FBF1: variants seen among roughly 807,000 people sequenced by gnomAD.
The protein encoded by FBF1 is fas-binding factor 1.
Under a neutral mutation model 147.2 loss-of-function variants are expected in FBF1, and 119 were observed. The observed-to-expected ratio is 0.81, with a 90% confidence interval of 0.70 to 0.94. The LOEUF is 0.94. FBF1 is among the 40% of genes least tolerant of loss of function. The pLI is 0.00. For missense variants in FBF1, 1,449 were observed against 1,500.8 expected (o/e 0.97, Z 0.57); for synonymous variants, 601 against 609.0 (o/e 0.99, Z 0.19).
intron 9 of FBF1, 79 bp downstream of exon 9, chr17:75,927,376 C>A (rs990545801): frequency 4.8e-5 from 60 of 1,262,726 alleles, no homozygotes; most frequent in Admixed American, 9.0e-5. Context: ...AGCAGCTGGG[C>A]CTCGGGCCAG....
intron 1 of FBF1, 102 bp downstream of exon 1, chr17:75,940,746 C>G (rs2065658698): frequency 6.5e-6 from 1 of 153,920 alleles, no homozygotes; most frequent in Admixed American, 6.5e-5. Flanking sequence ...ATTCAGCCGA[C>G]TCCATGCCAG....
rs564612539 is a variant in FBF1, at chr17:75,938,285, C to T, written c.-83-53G>A. 2.7e-3 allele frequency: 3,600 copies of T among 1,324,176 alleles called. 5 individuals carry two copies. The highest frequency in any genetic ancestry group is 3.5e-3 in the Non-Finnish European group (3,345 of 945,968). 82.0% of individuals were successfully genotyped at this position (1,324,176 alleles called of 1,614,324 possible). On this transcript the variant is annotated intron_variant, in intron 1 of 29. Coordinates refer to ENST00000636174, the MANE Select transcript of FBF1 (RefSeq NM_001319193.2). ...TAAAAATGATGTAGCTTTGGCTGGG[C>T]GCCATGGCTCACGCCTGTTAATCCC...
At position 75,920,261 on chromosome 17, in the gene FBF1, C is replaced by T. The variant is rs760695811; in HGVS notation, c.1830+13G>A. On this transcript the variant is annotated intron_variant, in intron 18 of 29. Transcript: ENST00000636174. ...ACCCTGCCACCAGCACCAACGGCCC[C>T]GCTGCCCCTCACCTGGGCCTCCAGC... The T allele has an allele frequency of 8.0e-5, 128 of 1,605,712 alleles. No homozygotes were observed. The highest frequency in any genetic ancestry group is 1.0e-4 in the Non-Finnish European group (122 of 1,175,718).
At chr17:75,939,568 AT>A (rs545892056) in intron 1 of FBF1, among the ~76,000 whole-genome samples, 6 of 150,606 alleles carry the variant, frequency 4.0e-5, no homozygotes, top group Non-Finnish European at 5.9e-5. Flanking sequence ...TCTTTTTAAA[AT>A]TTTTTTTTTC....
rs544083200 is a variant in FBF1 at position 75,912,234 on chromosome 17, G to A, written c.3321C>T (p.His1107=). The change falls in exon 29 of 30, where the codon CAC becomes CAT. Residue 1107 remains histidine (H), a synonymous_variant. Coordinates refer to ENST00000636174, the MANE Select transcript of FBF1 (RefSeq NM_001319193.2). Reference sequence around the variant, plus strand: ...TCAGCAGTGCCAGCCTGGCATGGAGGTGCAAGGGGCTGGGGTCCAGGCCAG... The same window carrying A: ...TCAGCAGTGCCAGCCTGGCATGGAGATGCAAGGGGCTGGGGTCCAGGCCAG... ...PPTGLDPSPL[H]LHARLALLRH... 941 of 1,611,406 alleles carry A rather than the reference G, an allele frequency of 5.8e-4. 14 individuals are homozygous for A. The Admixed American group carries it at 0.016, about 27-fold the overall frequency.
chr17:75,933,495 C>G (rs373963960), intron 4 of FBF1, among the ~76,000 whole-genome samples: 3 of 152,106 alleles, frequency 2.0e-5, no homozygotes, highest in Non-Finnish European at 4.4e-5. Context: ...TCGCTTGAAC[C>G]GGGAGACGGA....
At position 75,913,875 on chromosome 17, in the gene FBF1, G is replaced by A. The variant is rs1555612424; in HGVS notation, c.3129+38C>T. 4 of 1,557,014 alleles carry A rather than the reference G, an allele frequency of 2.6e-6. No individual in the cohort carries two copies. In the East Asian group the frequency reaches 7.1e-5, roughly 28 times the overall value. On this transcript the variant is annotated intron_variant, in intron 27 of 29. Coordinates refer to ENST00000636174, the MANE Select transcript of FBF1 (RefSeq NM_001319193.2). Reference sequence around the variant, plus strand: ...AGCTGTGAGGTGGGAGGCTGGGGGTGCCGGGGGCAGGGGCGCCATACACTC... The same window carrying A: ...AGCTGTGAGGTGGGAGGCTGGGGGTACCGGGGGCAGGGGCGCCATACACTC...
In FBF1 at chr17:75,921,244, C is replaced by G. The variant is rs891370225; in HGVS notation, c.1674G>C (p.Gln558His). The change falls in exon 17 of 30, where the codon CAG (glutamine) becomes CAC (histidine). Residue 558 changes from glutamine (Q) to histidine (H), a missense_variant and splice_region_variant. By Grantham distance (24) the Gln-to-His change is conservative. Transcript: ENST00000636174. ...TAGACCTGTCTGCCCACACCCCTACCTGGACGGGCACGGAAGGCTCTGTGG... is the reference window on the plus strand; with the variant it reads ...TAGACCTGTCTGCCCACACCCCTACGTGGACGGGCACGGAAGGCTCTGTGG... Reference protein sequence around the residue: ...QKPTEPSVPVQPLLPESLARS... With the variant: ...QKPTEPSVPVHPLLPESLARS... 8.8e-6 allele frequency: 14 copies of G among 1,584,340 alleles called. No individual in the cohort carries two copies. The Admixed American group carries it at 1.4e-4, about 16-fold the overall frequency.
chr17:75,921,842 G>T, intron 15 of FBF1, 103 bp downstream of exon 15: 1 of 1,062,150 alleles, frequency 9.4e-7, no homozygotes, highest in Non-Finnish European at 1.4e-6. Context: ...ACACGGGGAC[G>T]GGGCAGGGGC....
At chr17:75,938,849 A>T (rs1442396442) in intron 1 of FBF1, among the ~76,000 whole-genome samples, 1 of 148,122 alleles carries the variant, frequency 6.8e-6, no homozygotes, top group East Asian at 2.0e-4. Flanking sequence ...TGGGCAACAG[A>T]GCAAGACTCC....
chr17:75,936,991 A>C (rs1040488196), intron 3 of FBF1, among the ~76,000 whole-genome samples: 5 of 152,080 alleles, frequency 3.3e-5, no homozygotes, highest in Non-Finnish European at 4.4e-5. Flanking sequence ...GTTTCCCCAC[A>C]CCAGCTTTCC....
chr17:75,930,665 T>A (rs2065588909), intron 6 of FBF1, among the ~76,000 whole-genome samples: 1 of 152,122 alleles, frequency 6.6e-6, no homozygotes, highest in Admixed American at 6.5e-5. Context: ...TGGGTCAGCC[T>A]GTAATCACAG....
At chr17:75,915,594 C>A (rs548598128) in intron 23 of FBF1, among the ~76,000 whole-genome samples, 2 of 152,276 alleles carry the variant, frequency 1.3e-5, no homozygotes, top group South Asian at 4.1e-4. Flanking sequence ...AATGAAGAGG[C>A]GAATCAAAAT....
At chr17:75,916,857 A>T (rs2065491951) in intron 23 of FBF1, among the ~76,000 whole-genome samples, 2 of 152,192 alleles carry the variant, frequency 1.3e-5, no homozygotes, top group African/African-American at 4.8e-5. Flanking sequence ...TGTTTTTATT[A>T]TTTATTTTTT....
intron 6 of FBF1, among the ~76,000 whole-genome samples, chr17:75,930,858 T>C (rs1479520711): frequency 1.3e-5 from 2 of 151,936 alleles, no homozygotes; most frequent in Admixed American, 6.6e-5. Flanking sequence ...GAGGCGGAGA[T>C]TGCAGTGAGC....
In FBF1 at chr17:75,909,930, T is replaced by C. The variant is rs1295955296; in HGVS notation, c.*793A>G. The C allele has an allele frequency of 7.1e-6, 5 of 700,092 alleles. No homozygotes were observed. The highest frequency in any genetic ancestry group is 1.5e-5 in the South Asian group (1 of 66,748). 43.4% of individuals were successfully genotyped at this position (700,092 alleles called of 1,614,324 possible). ...ATCAGAGAAACCTCTGTAGTTGTGA[T>C]TGGTTCCTTGTCGCCTCCACTGCGT... On this transcript the variant is annotated 3_prime_UTR_variant, in exon 30 of 30. Coordinates refer to ENST00000636174, the MANE Select transcript of FBF1 (RefSeq NM_001319193.2).
Position 75,922,537 on chromosome 17 carries a change from T to C in FBF1, c.1425-491A>G, listed in dbSNP as rs2065534574. ...CAAAGTCAAAACTGCCCTCCTGTCA[T>C]CAACCCCAGGACAGGGTGATGTCCC... On this transcript the variant is annotated intron_variant, in intron 14 of 29. Coordinates refer to ENST00000636174, the MANE Select transcript of FBF1 (RefSeq NM_001319193.2). The surrounding 1 kb of genome is among the most constrained non-coding windows in gnomAD (Gnocchi z 5.0). Among the ~76,000 whole-genome samples the C allele has an allele frequency of 1.3e-5, 2 of 152,130 alleles. No homozygotes were observed. Among genetic ancestry groups the C allele is most frequent in the Non-Finnish European group, 1.5e-5 (1 of 68,018 alleles).
rs917727017 is a variant in FBF1, at chr17:75,923,955, G to C, written c.969-314C>G. On this transcript the variant is annotated intron_variant, in intron 13 of 29. Coordinates refer to ENST00000636174, the MANE Select transcript of FBF1 (RefSeq NM_001319193.2). The surrounding 1 kb of genome is among the most constrained non-coding windows in gnomAD (Gnocchi z 4.1). ...AGGCCGAGCACGGTGGCTCATGTCT[G>C]TAATCCCAGATCTTTGGGAGGCCAG... Among the ~76,000 whole-genome samples, 1 of 152,162 alleles carries C rather than the reference G, an allele frequency of 6.6e-6. No individual in the cohort carries two copies. Among genetic ancestry groups the C allele is most frequent in the African/African-American group, 2.4e-5 (1 of 41,440 alleles).
chr17:75,938,094 C>G (rs1262898743), intron 2 of FBF1, 53 bp downstream of exon 2: 1 of 1,608,824 alleles, frequency 6.2e-7, no homozygotes, highest in East Asian at 2.2e-5. Context: ...TTTGGGGATG[C>G]AGGATGGGAG....
Sources: gnomAD v4.1 joint callset for allele counts (sites outside exome capture counted in the v4.1 genomes callset) on GRCh38, gnomAD v4.1.1 for gene constraint, Gnocchi (gnomAD v3.1) non-coding constraint, MANE v1.5 for transcripts, NCBI Gene and HGNC (gene_info 2026-07-23, HGNC 2026-07-21) for gene names.